Variants in RUNDC3B observed in about 807,000 individuals in gnomAD.
RUNDC3B encodes the protein RUN domain-containing protein 3B.
RUNDC3B carries 33 observed loss-of-function variants against 58.4 expected under a neutral mutation model. The observed-to-expected ratio is 0.56, with a 90% CI of 0.43 to 0.75. RUNDC3B has a LOEUF of 0.75. Ranked by LOEUF, RUNDC3B falls within the 30% of genes least tolerant of loss-of-function variation. RUNDC3B has a pLI of 0.00. For missense variants in RUNDC3B, 501 were observed against 535.7 expected (o/e 0.94, Z 0.64); for synonymous variants, 193 against 195.2 (o/e 0.99, Z 0.10).
At chr7:87,821,195 C>G (rs1379084361) in intron 10 of RUNDC3B, among the ~76,000 whole-genome samples, 1 of 151,978 alleles carries the variant, frequency 6.6e-6, no homozygotes, top group African/African-American at 2.4e-5. Context: ...AGCAAAGTCT[C>G]AGGATACAAA....
At chr7:87,711,669 A>C (rs925714367) in intron 4 of RUNDC3B, among the ~76,000 whole-genome samples, 1 of 152,190 alleles carries the variant, frequency 6.6e-6, no homozygotes, top group African/African-American at 2.4e-5. Flanking sequence ...GCCATGTATA[A>C]ATTTAAATTA....
intron 5 of RUNDC3B, among the ~76,000 whole-genome samples, chr7:87,740,506 G>A (rs990585801): frequency 9.2e-5 from 14 of 151,934 alleles, no homozygotes; most frequent in African/African-American, 3.4e-4. Flanking sequence ...AAAGTAAAAG[G>A]TTTGTCTATA....
chr7:87,808,598 T>G (rs1836556428), intron 9 of RUNDC3B, among the ~76,000 whole-genome samples: 1 of 152,102 alleles, frequency 6.6e-6, no homozygotes, highest in African/African-American at 2.4e-5. Flanking sequence ...GATGAACACA[T>G]TATTTGCAGA....
chr7:87,709,402 C>G (rs1399795014), intron 3 of RUNDC3B: 2 of 985,268 alleles, frequency 2.0e-6, no homozygotes, highest in African/African-American at 3.5e-5. Context: ...CTTGCCTCTT[C>G]CTTCCTCTGT....
At chr7:87,755,630 T>C (rs1224106401) in intron 6 of RUNDC3B, among the ~76,000 whole-genome samples, 1 of 152,150 alleles carries the variant, frequency 6.6e-6, no homozygotes, top group Non-Finnish European at 1.5e-5. Flanking sequence ...CCAATGATTA[T>C]CTAAATAGAC....
chr7:87,722,972 C>T (rs936749398), intron 4 of RUNDC3B, among the ~76,000 whole-genome samples: 3 of 152,244 alleles, frequency 2.0e-5, no homozygotes, highest in South Asian at 2.1e-4. Flanking sequence ...TTCTCAAGAA[C>T]GTGAAGTTGT....
chr7:87,727,705 G>T (rs1584022626), intron 4 of RUNDC3B, among the ~76,000 whole-genome samples: 1 of 151,936 alleles, frequency 6.6e-6, no homozygotes, highest in Non-Finnish European at 1.5e-5. Context: ...CTTAGTTGTG[G>T]CATATAAAAA....
At chr7:87,662,075 C>A (rs1437450862) in intron 2 of RUNDC3B, among the ~76,000 whole-genome samples, 1 of 152,010 alleles carries the variant, frequency 6.6e-6, no homozygotes, top group Admixed American at 6.6e-5. Flanking sequence ...CTATTCTGAT[C>A]TTTTGCCCAT....
At chr7:87,760,769 A>G (rs1016036589) in intron 6 of RUNDC3B, among the ~76,000 whole-genome samples, 4 of 152,088 alleles carry the variant, frequency 2.6e-5, no homozygotes, top group Non-Finnish European at 5.9e-5. Context: ...ACAACTGACT[A>G]TCCACATGCA....
At chr7:87,813,591 T>TA (rs1836844239) in intron 9 of RUNDC3B, among the ~76,000 whole-genome samples, 1 of 152,150 alleles carries the variant, frequency 6.6e-6, no homozygotes, top group Non-Finnish European at 1.5e-5. Flanking sequence ...GTAAGCCTCC[T>TA]ACCTATTGGG....
At chr7:87,634,487 T>TGG (rs1399273733) in intron 1 of RUNDC3B, among the ~76,000 whole-genome samples, 2 of 902 alleles carry the variant, frequency 2.2e-3, no homozygotes, top group African/African-American at 3.6e-3. Context: ...GGCGTGGTGG[T>TGG]GGGGGGTGGG....
intron 2 of RUNDC3B, among the ~76,000 whole-genome samples, chr7:87,671,284 G>A (rs73705296): frequency 0.013 from 2,035 of 152,200 alleles, 45 homozygotes; most frequent in African/African-American, 0.046. Flanking sequence ...TTATTGGTCC[G>A]GCAAGGGCAG....
intron 8 of RUNDC3B, among the ~76,000 whole-genome samples, chr7:87,779,838 G>A (rs117784682): frequency 0.011 from 1,642 of 150,666 alleles, 15 homozygotes; most frequent in Non-Finnish European, 0.019. Context: ...TTATGGCCAC[G>A]TGTACCGATT....
At chr7:87,804,368 G>C (rs984252806) in intron 8 of RUNDC3B, among the ~76,000 whole-genome samples, 7 of 152,120 alleles carry the variant, frequency 4.6e-5, no homozygotes, top group Admixed American at 1.3e-4. Context: ...CTGCCTCATA[G>C]TTAGGCTTGA....
chr7:87,684,746 C>CAA lies in RUNDC3B; in HGVS notation c.239-15649_239-15648dup, dbSNP rs71524694. Among the ~76,000 whole-genome samples, 90 of 37,776 alleles carry CAA rather than the reference C, an allele frequency of 2.4e-3. 17 individuals carry two copies. The highest frequency in any genetic ancestry group is 0.025 in the Middle Eastern group (1 of 40). The allele number at this position is 37,776 out of a possible 152,430, so 24.8% of individuals were successfully genotyped here. On this transcript the variant is annotated intron_variant, in intron 2 of 10. Transcript: ENST00000394654. Reference sequence around the variant, plus strand: ...CTGGTGACAGAGTGAGACTCCGTCTCAAAAAAAAAAAAAAAAAAAAAAAAA... The same window carrying CAA: ...CTGGTGACAGAGTGAGACTCCGTCTCAAAAAAAAAAAAAAAAAAAAAAAAAAA...
chr7:87,677,658 C>A (rs1322070769), intron 2 of RUNDC3B, among the ~76,000 whole-genome samples: 1 of 152,088 alleles, frequency 6.6e-6, no homozygotes, highest in Non-Finnish European at 1.5e-5. Flanking sequence ...TACATACACA[C>A]ACAAAAATCC....
intron 4 of RUNDC3B, among the ~76,000 whole-genome samples, chr7:87,729,900 A>G (rs1831477153): frequency 6.6e-6 from 1 of 152,172 alleles, no homozygotes; most frequent in Non-Finnish European, 1.5e-5. Flanking sequence ...CTACGGAAGA[A>G]TAGGGTATCA....
chr7:87,629,514 G>T (rs1027152634), intron 1 of RUNDC3B, among the ~76,000 whole-genome samples: 1 of 151,956 alleles, frequency 6.6e-6, no homozygotes, highest in African/African-American at 2.4e-5. Flanking sequence ...ATTAAGAGTG[G>T]GACTGTGGAG....
chr7:87,776,036 C>T (rs746481156), intron 7 of RUNDC3B, among the ~76,000 whole-genome samples: 3 of 152,082 alleles, frequency 2.0e-5, no homozygotes, highest in Non-Finnish European at 4.4e-5. Flanking sequence ...TAATGAACCA[C>T]AGTATAACTC....
Sources: gnomAD v4.1 joint callset for allele counts (sites outside exome capture counted in the v4.1 genomes callset) on GRCh38, gnomAD v4.1.1 for gene constraint, MANE v1.5 for transcripts, NCBI Gene and HGNC (gene_info 2026-07-23, HGNC 2026-07-21) for gene names.